The following TERF2 variants were observed in gnomAD, a reference collection of about 807,000 sequenced individuals.
TERF2 encodes telomeric repeat binding factor 2, also known as telomeric repeat-binding factor 2.
TERF2 carries 16 observed loss-of-function variants against 56.1 expected under a neutral mutation model. The observed-to-expected ratio is 0.29, with a 90% CI of 0.19 to 0.43. TERF2 has a LOEUF of 0.43. Ranked by LOEUF, TERF2 falls within the 20% of genes least tolerant of loss-of-function variation. TERF2 has a pLI of 1.00. For synonymous variants in TERF2, 296 were observed against 282.1 expected (o/e 1.05, Z -0.50); for missense variants, 547 against 712.9 (o/e 0.77, Z 2.65).
At chr16:69,375,661 G>A (rs2013752043) in intron 3 of TERF2, among the ~76,000 whole-genome samples, 2 of 152,052 alleles carry the variant, frequency 1.3e-5, no homozygotes, top group African/African-American at 4.8e-5. Context: ...ATATCACCCA[G>A]GCTGAACTCA....
intron 3 of TERF2, among the ~76,000 whole-genome samples, chr16:69,373,849 G>C (rs1478238810): frequency 2.0e-5 from 3 of 152,098 alleles, no homozygotes; most frequent in Non-Finnish European, 4.4e-5. Context: ...AACAATAAAA[G>C]GAAAATTGGT....
In TERF2 at chr16:69,366,825, G is replaced by C. The variant is rs141582330; in HGVS notation, c.1322C>G (p.Pro441Arg). The change falls in exon 7 of 10, where the codon CCT becomes CGT. Residue 441 changes from proline (P) to arginine (R), a missense_variant. Physicochemically the swap from Pro to Arg is moderately radical, Grantham distance 103. Coordinates refer to ENST00000254942, the MANE Select transcript of TERF2 (RefSeq NM_005652.5). ...SKPTVLNQPL[P>R]GEKNPKVPKG... ...TTCATACTTGGGATTCTTCTCTCCA[G>C]GGAGGGGTTGGTTGAGAACGGTGGG... 45 of 1,612,778 alleles carry C rather than the reference G, an allele frequency of 2.8e-5. No individual in the cohort carries two copies. The highest frequency in any genetic ancestry group is 3.8e-5 in the Non-Finnish European group (45 of 1,179,390).
At chr16:69,381,838 G>C (rs1398431522) in intron 3 of TERF2, among the ~76,000 whole-genome samples, 1 of 152,090 alleles carries the variant, frequency 6.6e-6, no homozygotes, top group Admixed American at 6.6e-5. Flanking sequence ...AGGCTCTAGA[G>C]TTAATAAAAT....
intron 3 of TERF2, among the ~76,000 whole-genome samples, chr16:69,383,835 A>C (rs1343397347): frequency 6.6e-6 from 1 of 152,176 alleles, no homozygotes; most frequent in African/African-American, 2.4e-5. Context: ...CACCAGGGCA[A>C]TGCTTAGCTG....
chr16:69,385,869 C>A lies in TERF2; in HGVS notation c.103G>T (p.Glu35Ter). The part of the protein sequence containing the change: ...PRKRPGREGG[E>*]GARRSDTMAG... ...ATCGTGTCCGATCGCCGCGCGCCCT[C>A]CCCGCCCTCCCGGCCGGGCCGCTTC... The change falls in exon 1 of 10, where the codon GAG (glutamate) becomes TAG (stop). Residue 35 changes from glutamate to a stop codon, truncating the protein, a stop_gained. Transcript: ENST00000254942. LOFTEE classifies it high-confidence loss of function. 1.5e-6 allele frequency: 2 copies of A among 1,371,360 alleles called. No individual in the cohort carries two copies. Among genetic ancestry groups the A allele is most frequent in the East Asian group, 3.1e-5 (1 of 32,194 alleles). 84.9% of individuals were successfully genotyped at this position (1,371,360 alleles called of 1,614,324 possible).
At chr16:69,367,407 G>A (rs1597247299) in intron 6 of TERF2, among the ~76,000 whole-genome samples, 1 of 152,130 alleles carries the variant, frequency 6.6e-6, no homozygotes, top group South Asian at 2.1e-4. Context: ...GTCTGGGTCT[G>A]TCCTAGACAG....
intron 3 of TERF2, among the ~76,000 whole-genome samples, chr16:69,382,135 G>C (rs1035415347): frequency 1.3e-5 from 2 of 152,180 alleles, no homozygotes; most frequent in Non-Finnish European, 2.9e-5. Flanking sequence ...AAACAGTTTT[G>C]ACCTCATGGC....
chr16:69,371,712 G>A (rs918071585), intron 4 of TERF2, among the ~76,000 whole-genome samples: 2 of 152,048 alleles, frequency 1.3e-5, no homozygotes, highest in Non-Finnish European at 2.9e-5. Context: ...CTACTGGGGA[G>A]GATGAGGTGG....
intron 7 of TERF2, among the ~76,000 whole-genome samples, chr16:69,362,204 T>G (rs936376729): frequency 6.6e-6 from 1 of 151,872 alleles, no homozygotes; most frequent in African/African-American, 2.4e-5. Flanking sequence ...CCATAAGCTC[T>G]GTACTTTCCT....
intron 5 of TERF2, chr16:69,370,266 G>A: frequency 3.7e-6 from 2 of 547,768 alleles, no homozygotes; most frequent in South Asian, 3.0e-5. Flanking sequence ...CCTGACCTCA[G>A]GTGATCCACC....
chr16:69,385,609 G>A lies in TERF2; in HGVS notation c.363C>T (p.Ile121=), dbSNP rs750992645. 10 of 1,605,740 alleles carry A rather than the reference G, an allele frequency of 6.2e-6. No homozygotes were observed. Among genetic ancestry groups the A allele is most frequent in the Non-Finnish European group, 8.5e-6 (10 of 1,177,294 alleles). ...GGCCCTCACCCTGCATGATGTCCCG[G>A]ATCTGTCTGAAGTCCCCGTACCGGC... is the stretch of plus-strand genomic sequence containing the variant. ...RGSRYGDFRQ[I]RDIMQALLVR... is the part of the protein sequence containing the mutation. Residue 121 remains isoleucine, a synonymous_variant, in exon 1 of 10, where the codon ATC becomes ATT. Transcript: ENST00000254942.
At chr16:69,380,671 A>T (rs2013964257) in intron 3 of TERF2, among the ~76,000 whole-genome samples, 1 of 151,578 alleles carries the variant, frequency 6.6e-6, no homozygotes, top group Non-Finnish European at 1.5e-5. Context: ...AAAAAAAAAA[A>T]TCCATCAGTC....
chr16:69,368,286 T>C lies in TERF2; in HGVS notation c.947+90A>G, dbSNP rs35469240. 1,328 of 1,220,072 alleles carry C rather than the reference T, an allele frequency of 1.1e-3. 12 individuals are homozygous for C. The highest frequency in any genetic ancestry group is 0.01 in the Admixed American group (537 of 51,634). 75.6% of individuals were successfully genotyped at this position (1,220,072 alleles called of 1,614,324 possible). On this transcript the variant is annotated intron_variant, in intron 6 of 9. Coordinates refer to ENST00000254942, the MANE Select transcript of TERF2 (RefSeq NM_005652.5). The stretch of plus-strand genomic sequence containing the variant: ...GTAACACGTTAGTAGGTCGGAGTGC[T>C]GAGAGGAACTGATCCTGGCCTAAGG...
intron 4 of TERF2, among the ~76,000 whole-genome samples, chr16:69,372,037 C>T (rs1184656951): frequency 2.6e-5 from 4 of 152,092 alleles, no homozygotes; most frequent in Non-Finnish European, 5.9e-5. Context: ...ATAAACTAGA[C>T]AGAAATAAGG....
intron 3 of TERF2, among the ~76,000 whole-genome samples, chr16:69,380,487 AT>A (rs2013954755): frequency 6.6e-6 from 1 of 151,440 alleles, no homozygotes; most frequent in Non-Finnish European, 1.5e-5. Flanking sequence ...GGTGAAACCC[AT>A]TTCTAATAAT....
intron 3 of TERF2, among the ~76,000 whole-genome samples, chr16:69,383,847 T>A (rs1056159776): frequency 6.6e-6 from 1 of 152,246 alleles, no homozygotes; most frequent in Non-Finnish European, 1.5e-5. Flanking sequence ...GCTTAGCTGA[T>A]GTTTTCCATC....
At chr16:69,370,380 T>C (rs944986568) in intron 5 of TERF2, 103 bp downstream of exon 5, 1 of 1,464,460 alleles carries the variant, frequency 6.8e-7, no homozygotes, top group Non-Finnish European at 9.2e-7. Context: ...TGCATACAAT[T>C]CAATGTCTTT....
Position 69,355,987 on chromosome 16 carries a change from G to GTGTA in TERF2, c.*910_*911insTACA. The GTGTA allele has an allele frequency of 3.8e-6, 1 of 263,600 alleles. No homozygotes were observed. 16.3% of individuals were successfully genotyped at this position (263,600 alleles called of 1,614,324 possible). ...CTGGTTCAACCACATGAGAAGTGGAGGATTAACCTGCCTACATAGCCCAGC... is the reference window on the plus strand; with the variant it reads ...CTGGTTCAACCACATGAGAAGTGGAGTGTAGATTAACCTGCCTACATAGCCCAGC... On this transcript the variant is annotated 3_prime_UTR_variant, in exon 10 of 10. Coordinates refer to ENST00000254942, the MANE Select transcript of TERF2 (RefSeq NM_005652.5).
intron 9 of TERF2, among the ~76,000 whole-genome samples, 195 bp from the exon 10 acceptor site, chr16:69,357,251 G>A (rs1160618944): frequency 1.3e-5 from 2 of 152,200 alleles, no homozygotes; most frequent in Non-Finnish European, 2.9e-5. Flanking sequence ...TTGATGTCCT[G>A]CCATTTGATC....
Sources: gnomAD v4.1 joint callset for allele counts (sites outside exome capture counted in the v4.1 genomes callset) on GRCh38, gnomAD v4.1.1 for gene constraint, MANE v1.5 for transcripts, NCBI Gene and HGNC (gene_info 2026-07-23, HGNC 2026-07-21) for gene names.